Variants in WDR72 observed in about 807,000 individuals in gnomAD.
The protein encoded by WDR72 is WD repeat-containing protein 72.
Under a neutral mutation model 124.2 loss-of-function variants are expected in WDR72, and 120 were observed. The observed-to-expected ratio is 0.97, with a 90% CI of 0.83 to 1.12. WDR72 has a LOEUF of 1.12. Ranked by LOEUF, WDR72 falls within the 50% of genes most tolerant of loss-of-function variation. The pLI is 0.00. For synonymous variants in WDR72, 452 were observed against 441.7 expected, an observed-to-expected ratio of 1.02 and a Z score of -0.29; for missense variants, 1,387 against 1,278.8, an observed-to-expected ratio of 1.08 and a Z score of -1.29.
chr15:53,517,970 A>G (rs1891556116), intron 19 of WDR72, among the ~76,000 whole-genome samples: 1 of 152,078 alleles, frequency 6.6e-6, no homozygotes, highest in Non-Finnish European at 1.5e-5. Context: ...AATATAATAA[A>G]AATATACTTG....
intron 18 of WDR72, among the ~76,000 whole-genome samples, chr15:53,577,002 G>C (rs2011651283): frequency 6.6e-6 from 1 of 152,132 alleles, no homozygotes; most frequent in Non-Finnish European, 1.5e-5. Flanking sequence ...CTTTGCTTTA[G>C]AGCTCCAAGA....
At chr15:53,690,937 C>T (rs2016818160) in intron 13 of WDR72, among the ~76,000 whole-genome samples, 1 of 152,078 alleles carries the variant, frequency 6.6e-6, no homozygotes, top group African/African-American at 2.4e-5. Flanking sequence ...ACAAGGGTTC[C>T]TATTTTCTCC....
At chr15:53,718,373 T>G (rs1205979465) in intron 3 of WDR72, among the ~76,000 whole-genome samples, 2 of 151,864 alleles carry the variant, frequency 1.3e-5, no homozygotes, top group Admixed American at 1.3e-4. Context: ...TTTTCCAGGA[T>G]TGGAACCTGG....
chr15:53,686,850 T>A (rs991336806), intron 13 of WDR72, among the ~76,000 whole-genome samples: 1 of 151,634 alleles, frequency 6.6e-6, no homozygotes, highest in African/African-American at 2.4e-5. Flanking sequence ...ACAGAAATTA[T>A]AACAAACTGT....
At chr15:53,741,152 A>G (rs77291617) in intron 1 of WDR72, among the ~76,000 whole-genome samples, 1,824 of 152,322 alleles carry the variant, frequency 0.012, 34 homozygotes, top group African/African-American at 0.042. Flanking sequence ...GTTTCACAGG[A>G]TATAGTTCTA....
At chr15:53,664,931 T>A (rs2015727061) in intron 14 of WDR72, among the ~76,000 whole-genome samples, 1 of 152,270 alleles carries the variant, frequency 6.6e-6, no homozygotes, top group East Asian at 1.9e-4. Context: ...TACAACAGTA[T>A]GTTGAGGGGA....
At chr15:53,674,919 GA>G (rs886902499) in intron 13 of WDR72, among the ~76,000 whole-genome samples, 1 of 152,040 alleles carries the variant, frequency 6.6e-6, no homozygotes, top group Non-Finnish European at 1.5e-5. Flanking sequence ...ACGGAATAAA[GA>G]GGTGTGGCGG....
At chr15:53,657,167 G>C (rs1382934843) in intron 14 of WDR72, among the ~76,000 whole-genome samples, 1 of 148,058 alleles carries the variant, frequency 6.8e-6, no homozygotes, top group Non-Finnish European at 1.5e-5. Flanking sequence ...GGGAGGGTGA[G>C]GCAGGAGAAT....
intron 13 of WDR72, among the ~76,000 whole-genome samples, chr15:53,666,222 C>T (rs906589342): frequency 3.3e-5 from 5 of 152,098 alleles, no homozygotes; most frequent in Non-Finnish European, 7.3e-5. Context: ...CAAGTAAGAA[C>T]ACGGATGCTT....
rs1242919300 is a variant in WDR72, at chr15:53,699,691, G to T, written c.1765+59C>A. On this transcript the variant is annotated intron_variant, in intron 13 of 19. Coordinates refer to ENST00000360509, the MANE Select transcript of WDR72 (RefSeq NM_182758.4). ...TGTCTTCTCTGAAACTTTCCATCTG[G>T]TCAAATGCTTGTACATCATAAATAT... is the stretch of plus-strand genomic sequence containing the variant. 3.2e-6 allele frequency: 5 copies of T among 1,576,162 alleles called. No homozygotes were observed. The African/African-American group carries it at 5.4e-5, about 17-fold the overall frequency.
chr15:53,743,603 T>G (rs2018565587), intron 1 of WDR72, among the ~76,000 whole-genome samples: 1 of 152,214 alleles, frequency 6.6e-6, no homozygotes, highest in Non-Finnish European at 1.5e-5. Flanking sequence ...AAAAGCCATA[T>G]GCAATGTTCC....
intron 14 of WDR72, among the ~76,000 whole-genome samples, chr15:53,648,475 C>G (rs753222025): frequency 1.3e-5 from 2 of 152,102 alleles, no homozygotes; most frequent in Non-Finnish European, 2.9e-5. Flanking sequence ...AAACATCATA[C>G]TAACAAGCTT....
chr15:53,519,484 T>C (rs572888335), intron 19 of WDR72, among the ~76,000 whole-genome samples: 1 of 152,064 alleles, frequency 6.6e-6, no homozygotes, highest in Non-Finnish European at 1.5e-5. Flanking sequence ...AAGGTATAAA[T>C]GCCAGTGAAG....
In WDR72 at chr15:53,609,500, A is replaced by T. The variant is rs745558658; in HGVS notation, c.2952+13T>A. On this transcript the variant is annotated intron_variant, in intron 17 of 19. Transcript: ENST00000360509. ...CTCTTCTAATAACGTCATGAATGTG[A>T]ATTATATCATACCTGCACAGACTGG... 1.2e-6 allele frequency: 2 copies of T among 1,610,610 alleles called. No homozygotes were observed. The highest frequency in any genetic ancestry group is 1.7e-6 in the Non-Finnish European group (2 of 1,177,180).
At chr15:53,541,078 C>G (rs1177525409) in intron 18 of WDR72, 1 of 157,920 alleles carries the variant, frequency 6.3e-6, no homozygotes, top group East Asian at 1.8e-4. Flanking sequence ...GGACGCCCGC[C>G]ATTGCCCAGG....
intron 18 of WDR72, among the ~76,000 whole-genome samples, chr15:53,539,475 T>C: frequency 6.6e-6 from 1 of 152,078 alleles, no homozygotes; most frequent in Non-Finnish European, 1.5e-5. Context: ...ATATACTTAG[T>C]AGTATATGTA....
At chr15:53,691,410 A>G (rs182035878) in intron 13 of WDR72, among the ~76,000 whole-genome samples, 53 of 152,304 alleles carry the variant, frequency 3.5e-4, no homozygotes, top group African/African-American at 1.3e-3. Context: ...AGAGTTCCTT[A>G]TACATTCTGG....
At chr15:53,711,780 G>A (rs561672860) in intron 7 of WDR72, among the ~76,000 whole-genome samples, 9 of 152,158 alleles carry the variant, frequency 5.9e-5, no homozygotes, top group African/African-American at 2.2e-4. Context: ...AGTACTCCAA[G>A]TTTTACATTT....
At chr15:53,648,623 T>C (rs1313822100) in intron 14 of WDR72, among the ~76,000 whole-genome samples, 1 of 152,158 alleles carries the variant, frequency 6.6e-6, no homozygotes, top group Non-Finnish European at 1.5e-5. Context: ...TTTGTATGTG[T>C]ATTCACATAA....
Sources: gnomAD v4.1 joint callset for allele counts (sites outside exome capture counted in the v4.1 genomes callset) on GRCh38, gnomAD v4.1.1 for gene constraint, MANE v1.5 for transcripts, NCBI Gene and HGNC (gene_info 2026-07-23, HGNC 2026-07-21) for gene names.